The following CAMTA1 variants were observed in gnomAD, a reference collection of about 807,000 sequenced individuals.
CAMTA1 encodes calmodulin binding transcription activator 1, also known as calmodulin-binding transcription activator 1.
In CAMTA1, 27 loss-of-function variants were observed where a neutral mutation model predicts 170.9. That is an observed-to-expected ratio of 0.16 (90% CI 0.12 to 0.22). The LOEUF (loss-of-function observed/expected upper bound fraction) is 0.22, where lower values mean the gene tolerates loss of function less well. Ranked by LOEUF, CAMTA1 falls within the 10% of genes least tolerant of loss-of-function variation. CAMTA1 has a pLI of 1.00. For synonymous variants in CAMTA1, 833 were observed against 891.5 expected (o/e 0.93, Z 1.17); for missense variants, 1,619 against 2,217.2 (o/e 0.73, Z 5.42).
At chr1:7,553,433 C>G (rs974333047) in intron 6 of CAMTA1, among the ~76,000 whole-genome samples, 1 of 152,224 alleles carries the variant, frequency 6.6e-6, no homozygotes, top group Non-Finnish European at 1.5e-5. Flanking sequence ...AGTGCTGCCA[C>G]GTGTAGGGGC....
At chr1:7,567,737 G>T (rs899180901) in intron 6 of CAMTA1, among the ~76,000 whole-genome samples, 1 of 152,146 alleles carries the variant, frequency 6.6e-6, no homozygotes, top group African/African-American at 2.4e-5. Context: ...AGATGCTGGG[G>T]TGATTCAGAT....
chr1:7,353,411 TTTTTTTTTTTTCTTTCTCTC>T (rs1211091302), intron 5 of CAMTA1, among the ~76,000 whole-genome samples: 1 of 90,796 alleles, frequency 1.1e-5, no homozygotes, highest in Non-Finnish European at 2.1e-5. Flanking sequence ...ATCTGAACTC[TTTTTTTTTTTTCTTTCTCTC>T]TTTTTTTTTT....
chr1:7,526,913 A>G lies in CAMTA1; in HGVS notation c.510+59012A>G, dbSNP rs1229034410. ...ACTCTATTTGTGTCTCTGGGCATTA[A>G]GCTACGTTATTCCTTGCCCAGCTGC... On this transcript the variant is annotated intron_variant, in intron 6 of 22. Transcript: ENST00000303635. Among the ~76,000 whole-genome samples, 3 of 152,210 alleles carry G rather than the reference A, an allele frequency of 2.0e-5. No individual in the cohort carries two copies. The South Asian group carries it at 6.2e-4, about 32-fold the overall frequency.
chr1:7,025,842 TAA>T (rs1437023413), intron 3 of CAMTA1, among the ~76,000 whole-genome samples: 2 of 151,982 alleles, frequency 1.3e-5, no homozygotes, highest in East Asian at 3.9e-4. Flanking sequence ...AGAGTCTGGG[TAA>T]AATTGCTCAT....
chr1:7,126,646 A>G lies in CAMTA1; in HGVS notation c.302+35275A>G, dbSNP rs1474561581. On this transcript the variant is annotated intron_variant, in intron 4 of 22. Transcript: ENST00000303635. Reference sequence around the variant, plus strand: ...TAATGAATAATCTTTAGAACTTACTATGCTTTTAACATTTTGTTTTTCCTA... The same window carrying G: ...TAATGAATAATCTTTAGAACTTACTGTGCTTTTAACATTTTGTTTTTCCTA... 7.2e-5 allele frequency among the ~76,000 whole-genome samples: 11 copies of G among 152,330 alleles called. No individual in the cohort carries two copies. The East Asian group carries it at 2.1e-3, about 29-fold the overall frequency.
At chr1:7,370,870 A>G (rs1053996230) in intron 5 of CAMTA1, among the ~76,000 whole-genome samples, 4 of 137,808 alleles carry the variant, frequency 2.9e-5, no homozygotes, top group African/African-American at 8.1e-5. Flanking sequence ...GCCCGCCATT[A>G]TTGCCCTGGG....
At chr1:7,127,149 C>T (rs1033910853) in intron 4 of CAMTA1, among the ~76,000 whole-genome samples, 26 of 151,524 alleles carry the variant, frequency 1.7e-4, no homozygotes, top group African/African-American at 5.8e-4. Flanking sequence ...TGGGGCTAGC[C>T]GAGCAGCTGG....
chr1:6,904,422 CTCTTT>C (rs1227099655), intron 3 of CAMTA1, among the ~76,000 whole-genome samples: 1 of 152,130 alleles, frequency 6.6e-6, no homozygotes, highest in Non-Finnish European at 1.5e-5. Context: ...ATTCTTGGCT[CTCTTT>C]TCTTTTACTA....
chr1:7,242,812 A>G (rs1665116778), intron 4 of CAMTA1, among the ~76,000 whole-genome samples: 1 of 151,136 alleles, frequency 6.6e-6, no homozygotes, highest in African/African-American at 2.4e-5. Context: ...ATAAATAAAA[A>G]TTAGCCGGGC....
At chr1:7,610,062 C>T (rs367668347) in intron 6 of CAMTA1, among the ~76,000 whole-genome samples, 4 of 152,140 alleles carry the variant, frequency 2.6e-5, no homozygotes, top group Non-Finnish European at 4.4e-5. Context: ...TTCTCAGGGA[C>T]GTTTCTCTGC....
intron 6 of CAMTA1, among the ~76,000 whole-genome samples, chr1:7,597,115 C>G (rs1047208733): frequency 1.3e-5 from 2 of 152,154 alleles, no homozygotes; most frequent in Admixed American, 6.5e-5. Flanking sequence ...CAAACACGAG[C>G]CCACTTACCC....
At chr1:7,117,196 C>A (rs1205063773) in intron 4 of CAMTA1, among the ~76,000 whole-genome samples, 2 of 152,012 alleles carry the variant, frequency 1.3e-5, no homozygotes, top group African/African-American at 2.4e-5. Context: ...GTCTTGAACT[C>A]CTGACCTCAG....
At chr1:7,236,395 C>T (rs528750490) in intron 4 of CAMTA1, among the ~76,000 whole-genome samples, 51 of 152,206 alleles carry the variant, frequency 3.4e-4, no homozygotes, top group Non-Finnish European at 6.0e-4. Flanking sequence ...CCCGCCCTTG[C>T]TCTGTATGAA....
intron 4 of CAMTA1, among the ~76,000 whole-genome samples, chr1:7,177,597 C>A (rs1334376010): frequency 6.7e-6 from 1 of 150,212 alleles, no homozygotes; most frequent in Non-Finnish European, 1.5e-5. Context: ...CATACCGAGG[C>A]CCCTCCCATA....
At chr1:7,180,751 G>A (rs947260725) in intron 4 of CAMTA1, among the ~76,000 whole-genome samples, 1 of 151,932 alleles carries the variant, frequency 6.6e-6, no homozygotes, top group African/African-American at 2.4e-5. Context: ...GGCTCAAACG[G>A]TCCATCTGTC....
At chr1:7,282,744 G>A (rs958312861) in intron 5 of CAMTA1, among the ~76,000 whole-genome samples, 1 of 152,158 alleles carries the variant, frequency 6.6e-6, no homozygotes, top group Admixed American at 6.5e-5. Context: ...TGGGCAGGGG[G>A]TGGCAGTGGG....
intron 6 of CAMTA1, among the ~76,000 whole-genome samples, chr1:7,527,290 C>A (rs1244027193): frequency 1.3e-5 from 2 of 152,182 alleles, no homozygotes; most frequent in African/African-American, 4.8e-5. Context: ...GATCTGAATC[C>A]ACAGAAGCTC....
intron 1 of CAMTA1, 89 bp downstream of exon 1, chr1:6,785,664 GGCGGGAGC>G (rs1638951196): frequency 4.6e-6 from 3 of 646,706 alleles, no homozygotes; most frequent in Admixed American, 6.7e-5. Context: ...GGCGGCGCCG[GGCGGGAGC>G]GCGGGGGCGC....
chr1:7,377,672 G>GT (rs1227733939), intron 5 of CAMTA1, among the ~76,000 whole-genome samples: 1 of 152,162 alleles, frequency 6.6e-6, no homozygotes, highest in Non-Finnish European at 1.5e-5. Flanking sequence ...AAAAATAAAG[G>GT]TTTTTGAGGA....
Sources: gnomAD v4.1 joint callset for allele counts (sites outside exome capture counted in the v4.1 genomes callset) on GRCh38, gnomAD v4.1.1 for gene constraint, MANE v1.5 for transcripts, NCBI Gene and HGNC (gene_info 2026-07-23, HGNC 2026-07-21) for gene names.